Variants in RBFOX1 observed in about 807,000 individuals in gnomAD.
The protein encoded by RBFOX1 is RNA binding protein fox-1 homolog 1.
Under a neutral mutation model 57.7 loss-of-function variants are expected in RBFOX1, and 8 were observed. The observed-to-expected ratio is 0.14, with a 90% CI of 0.08 to 0.25. RBFOX1 has a LOEUF of 0.25. RBFOX1 is among the 10% of genes least tolerant of loss of function. The pLI, the probability that RBFOX1 is intolerant of heterozygous loss-of-function variation, is 1.00. For synonymous variants in RBFOX1, 326 were observed against 222.4 expected, an observed-to-expected ratio of 1.47 and a Z score of -4.15; for missense variants, 611 against 548.5, an observed-to-expected ratio of 1.11 and a Z score of -1.14.
At chr16:7,159,903 A>G (rs560775480) in intron 4 of RBFOX1, among the ~76,000 whole-genome samples, 1 of 152,350 alleles carries the variant, frequency 6.6e-6, no homozygotes, top group African/African-American at 2.4e-5. Flanking sequence ...TTGCTAATAT[A>G]GGCACCAGAT....
At chr16:6,108,475 G>A (rs1475896204) in intron 1 of RBFOX1, among the ~76,000 whole-genome samples, 1 of 152,104 alleles carries the variant, frequency 6.6e-6, no homozygotes, top group African/African-American at 2.4e-5. Flanking sequence ...CAGGGTAGGT[G>A]GTGCTGTGCT....
At chr16:6,052,608 C>G (rs2095564345) in intron 1 of RBFOX1, among the ~76,000 whole-genome samples, 1 of 151,898 alleles carries the variant, frequency 6.6e-6, no homozygotes, top group African/African-American at 2.4e-5. Flanking sequence ...CTTGGTGAAA[C>G]TCTGTCTCTA....
Position 6,021,259 on chromosome 16 carries a change from C to T in RBFOX1, c.-127+1267C>T, listed in dbSNP as rs200542384. 3.7e-4 allele frequency among the ~76,000 whole-genome samples: 56 copies of T among 152,128 alleles called. No individual in the cohort carries two copies. In the East Asian group the frequency reaches 0.01, roughly 28 times the overall value. On this transcript the variant is annotated intron_variant, in intron 1 of 15. Coordinates refer to ENST00000550418, the MANE Select transcript of RBFOX1 (RefSeq NM_018723.4). ...GCAGAGAGGCCTGGCCTTGACAGCC[C>T]AAGTTTAGGACATGCCCCAGCCTGC...
At chr16:6,857,956 G>A (rs1567586347) in intron 3 of RBFOX1, among the ~76,000 whole-genome samples, 1 of 152,120 alleles carries the variant, frequency 6.6e-6, no homozygotes, top group Non-Finnish European at 1.5e-5. Context: ...AGACAATACT[G>A]GTTTTTCGTA....
intron 3 of RBFOX1, among the ~76,000 whole-genome samples, chr16:5,609,663 G>T (rs895307151): frequency 6.6e-6 from 1 of 152,212 alleles, no homozygotes; most frequent in Non-Finnish European, 1.5e-5. Flanking sequence ...GCAGCCCCCA[G>T]TGTCCTGGTA....
intron 4 of RBFOX1, among the ~76,000 whole-genome samples, chr16:7,385,920 T>TG (rs2097868471): frequency 1.5e-4 from 1 of 6,600 alleles, no homozygotes; most frequent in African/African-American, 6.8e-4. Flanking sequence ...GCCCAGTTAC[T>TG]TATTTATTTA....
In RBFOX1 at chr16:7,225,905, A is replaced by AATATATATATATATATATATATATAT. The variant is rs1555600461; in HGVS notation, c.27+173822_27+173823insTATATATATATATATATATATATATA. Among the ~76,000 whole-genome samples, 49 of 93,708 alleles carry AATATATATATATATATATATATATAT rather than the reference A, an allele frequency of 5.2e-4. 1 individual carries two copies. Among genetic ancestry groups the AATATATATATATATATATATATATAT allele is most frequent in the African/African-American group, 1.7e-3 (35 of 20,970 alleles). 61.5% of individuals were successfully genotyped at this position (93,708 alleles called of 152,430 possible). ...GTACCCTAGAACTTAAAGTATAATA[A>AATATATATATATATATATATATATAT]ATATATATATATATAAATGTGAATG... On this transcript the variant is annotated intron_variant, in intron 4 of 15. Coordinates refer to ENST00000550418, the MANE Select transcript of RBFOX1 (RefSeq NM_018723.4).
chr16:5,598,385 G>T (rs2047257139), intron 2 of RBFOX1, among the ~76,000 whole-genome samples: 1 of 152,124 alleles, frequency 6.6e-6, no homozygotes, highest in Non-Finnish European at 1.5e-5. Flanking sequence ...CACTGCCTCA[G>T]GAGTGTCAGC....
Position 6,833,637 on chromosome 16 carries a change from G to C in RBFOX1, c.-16+178987G>C, listed in dbSNP as rs560386891. Among the ~76,000 whole-genome samples the C allele has an allele frequency of 8.5e-4, 130 of 152,182 alleles. 1 individual carries two copies. The highest frequency in any genetic ancestry group is 1.7e-3 in the Non-Finnish European group (113 of 68,028). On this transcript the variant is annotated intron_variant, in intron 3 of 15. Transcript: ENST00000550418. Reference sequence around the variant, plus strand: ...TTACATGTCACAGGGCAGAGATTTTGTCTTCCTCATGTCTTCCCATTGGCA... The same window carrying C: ...TTACATGTCACAGGGCAGAGATTTTCTCTTCCTCATGTCTTCCCATTGGCA...
intron 3 of RBFOX1, among the ~76,000 whole-genome samples, chr16:5,854,486 T>C (rs1208743791): frequency 2.6e-5 from 4 of 152,168 alleles, no homozygotes; most frequent in African/African-American, 9.7e-5. Context: ...TCCAGCTTCC[T>C]CCATGTTGTT....
At chr16:5,506,865 C>G (rs114163079) in intron 2 of RBFOX1, among the ~76,000 whole-genome samples, 3 of 152,292 alleles carry the variant, frequency 2.0e-5, no homozygotes, top group African/African-American at 7.2e-5. Context: ...ATCCTTTTAG[C>G]ATTTTGATAC....
chr16:6,241,840 C>G (rs964848259), intron 1 of RBFOX1, among the ~76,000 whole-genome samples: 11 of 152,132 alleles, frequency 7.2e-5, no homozygotes, highest in African/African-American at 2.7e-4. Flanking sequence ...AGTGCCCATG[C>G]ATGTAAACAT....
intron 1 of RBFOX1, among the ~76,000 whole-genome samples, chr16:6,072,373 C>A (rs999039490): frequency 6.6e-6 from 1 of 152,062 alleles, no homozygotes; most frequent in Non-Finnish European, 1.5e-5. Flanking sequence ...TAGGTGGCTT[C>A]CATATTTTGG....
At chr16:7,516,743 C>G (rs1030699570) in intron 4 of RBFOX1, among the ~76,000 whole-genome samples, 1 of 152,192 alleles carries the variant, frequency 6.6e-6, no homozygotes, top group African/African-American at 2.4e-5. Context: ...TTATCCTAAG[C>G]TTAGTTCTCT....
chr16:6,929,967 G>C (rs909742134), intron 3 of RBFOX1, among the ~76,000 whole-genome samples: 6 of 152,146 alleles, frequency 3.9e-5, no homozygotes, highest in African/African-American at 1.4e-4. Context: ...GAATCAGAAT[G>C]ACTGGCAAAC....
At chr16:7,309,682 G>A (rs560934019) in intron 4 of RBFOX1, among the ~76,000 whole-genome samples, 1 of 152,182 alleles carries the variant, frequency 6.6e-6, no homozygotes, top group African/African-American at 2.4e-5. Context: ...GAAACATAAT[G>A]CTTGTTTATT....
At chr16:6,670,496 A>G (rs1357146152) in intron 3 of RBFOX1, among the ~76,000 whole-genome samples, 7 of 152,230 alleles carry the variant, frequency 4.6e-5, no homozygotes, top group African/African-American at 1.7e-4. Context: ...GAAATCATAA[A>G]ATTAGAAGAG....
chr16:6,930,873 C>G (rs1367078113), intron 3 of RBFOX1, among the ~76,000 whole-genome samples: 1 of 152,038 alleles, frequency 6.6e-6, no homozygotes, highest in African/African-American at 2.4e-5. Flanking sequence ...ATAGCATGTT[C>G]CTATCCAATA....
chr16:6,196,382 G>A (rs2097179866), intron 1 of RBFOX1, among the ~76,000 whole-genome samples: 1 of 152,184 alleles, frequency 6.6e-6, no homozygotes, highest in Admixed American at 6.5e-5. Context: ...GAAATTGACA[G>A]GATAACATTA....
Sources: gnomAD v4.1 joint callset for allele counts (sites outside exome capture counted in the v4.1 genomes callset) on GRCh38, gnomAD v4.1.1 for gene constraint, MANE v1.5 for transcripts, NCBI Gene and HGNC (gene_info 2026-07-23, HGNC 2026-07-21) for gene names.